Variants in RYR3 observed in about 807,000 individuals in gnomAD.
RYR3 encodes the protein brain ryanodine receptor-calcium release channel.
RYR3 carries 207 observed loss-of-function variants against 584.3 expected under a neutral mutation model. That is an observed-to-expected ratio of 0.35 (90% CI 0.32 to 0.40). The LOEUF (loss-of-function observed/expected upper bound fraction) is 0.40. Ranked by LOEUF, RYR3 falls within the 10% of genes least tolerant of loss-of-function variation. The pLI, the probability that RYR3 is intolerant of heterozygous loss-of-function variation, is 1.00. For missense variants in RYR3, 5,616 were observed against 6,089.2 expected, an observed-to-expected ratio of 0.92 and a Z score of 2.59; for synonymous variants, 2,416 against 2,248.5, an observed-to-expected ratio of 1.07 and a Z score of -2.11.
chr15:33,358,098 G>A (rs1446479347), intron 1 of RYR3, among the ~76,000 whole-genome samples: 1 of 152,234 alleles, frequency 6.6e-6, no homozygotes, highest in Non-Finnish European at 1.5e-5. Context: ...CATGGGAAGA[G>A]TATGGAGTCA....
At chr15:33,736,098 G>T in intron 48 of RYR3, 137 bp from the exon 49 acceptor site, 3 of 586,558 alleles carry the variant, frequency 5.1e-6, no homozygotes, top group Non-Finnish European at 9.0e-6. Flanking sequence ...ATCTACTCTT[G>T]TTTATCCGAG....
intron 1 of RYR3, among the ~76,000 whole-genome samples, chr15:33,336,080 T>C (rs1199794356): frequency 6.6e-6 from 1 of 152,094 alleles, no homozygotes; most frequent in African/African-American, 2.4e-5. Context: ...GAAACTTAAG[T>C]ACAGATTAAA....
At chr15:33,560,947 T>C (rs941800231) in intron 10 of RYR3, among the ~76,000 whole-genome samples, 1 of 152,200 alleles carries the variant, frequency 6.6e-6, no homozygotes, top group Non-Finnish European at 1.5e-5. Context: ...AGCCAATGTT[T>C]CAACACACAC....
chr15:33,704,279 C>T (rs1349308749), intron 42 of RYR3, among the ~76,000 whole-genome samples: 2 of 114,870 alleles, frequency 1.7e-5, no homozygotes, highest in African/African-American at 6.5e-5. Flanking sequence ...GAGACTCCGT[C>T]TCAAAAAAAA....
intron 2 of RYR3, among the ~76,000 whole-genome samples, chr15:33,499,257 A>C (rs1416971098): frequency 7.6e-6 from 1 of 132,110 alleles, no homozygotes; most frequent in Admixed American, 8.3e-5. Context: ...TTTTCGCTCC[A>C]TTTCCCTCCC....
chr15:33,517,103 T>G (rs1447678293), intron 3 of RYR3, among the ~76,000 whole-genome samples: 1 of 152,178 alleles, frequency 6.6e-6, no homozygotes, highest in Non-Finnish European at 1.5e-5. Flanking sequence ...CAAGCGATTC[T>G]CCTGCCTCAG....
chr15:33,532,778 G>A (rs2054994524), intron 4 of RYR3, among the ~76,000 whole-genome samples: 1 of 152,002 alleles, frequency 6.6e-6, no homozygotes, highest in Non-Finnish European at 1.5e-5. Flanking sequence ...TTTAACTACT[G>A]AGTCATCAGA....
chr15:33,821,469 G>A (rs1488775964), intron 79 of RYR3, 54 bp from the exon 80 acceptor site: 2 of 1,603,910 alleles, frequency 1.2e-6, no homozygotes, highest in African/African-American at 2.7e-5. Flanking sequence ...GGCCCAGGAG[G>A]CATGATTTAC....
chr15:33,409,390 A>T (rs957617936), intron 1 of RYR3, among the ~76,000 whole-genome samples: 1 of 150,832 alleles, frequency 6.6e-6, no homozygotes, highest in Non-Finnish European at 1.5e-5. Flanking sequence ...TCCCAGAGAC[A>T]CTACCTAGAT....
intron 3 of RYR3, among the ~76,000 whole-genome samples, chr15:33,510,035 G>GT (rs530827817): frequency 1.4e-3 from 208 of 152,198 alleles, no homozygotes; most frequent in African/African-American, 3.8e-3. Context: ...CAAAAATAAT[G>GT]TTTTTTTATA....
At chr15:33,859,385 T>C (rs1328445112) in intron 99 of RYR3, among the ~76,000 whole-genome samples, 190 bp from the exon 100 acceptor site, 1 of 152,204 alleles carries the variant, frequency 6.6e-6, no homozygotes, top group Non-Finnish European at 1.5e-5. Flanking sequence ...TTTCCATCTT[T>C]GTAGATATCA....
Position 33,477,575 on chromosome 15 carries a change from T to TTAAA in RYR3, c.171+4037_171+4038insTAAA, listed in dbSNP as rs372682334. 4.3e-5 allele frequency among the ~76,000 whole-genome samples: 5 copies of TTAAA among 116,432 alleles called. 1 individual carries two copies. Among genetic ancestry groups the TTAAA allele is most frequent in the African/African-American group, 1.9e-4 (5 of 26,042 alleles). 76.4% of individuals were successfully genotyped at this position (116,432 alleles called of 152,430 possible). Reference sequence around the variant, plus strand: ...GGAATTTAAAGGTATCTTGTTTTGTTAAAAAAAAAAAAAAAAAAGGCTGGG... The same window carrying TTAAA: ...GGAATTTAAAGGTATCTTGTTTTGTTTAAAAAAAAAAAAAAAAAAAAAGGCTGGG... On this transcript the variant is annotated intron_variant, in intron 2 of 103. Coordinates refer to ENST00000634891, the MANE Select transcript of RYR3 (RefSeq NM_001036.6).
chr15:33,499,619 C>T (rs1252990930), intron 2 of RYR3, among the ~76,000 whole-genome samples: 1 of 152,176 alleles, frequency 6.6e-6, no homozygotes, highest in Non-Finnish European at 1.5e-5. Context: ...TTACTGTACA[C>T]ATCAGATCCT....
chr15:33,322,855 T>C (rs192406568), intron 1 of RYR3, among the ~76,000 whole-genome samples: 1 of 151,698 alleles, frequency 6.6e-6, no homozygotes, highest in East Asian at 2.0e-4. Context: ...AAATGACAAA[T>C]TCAGAATTCA....
chr15:33,739,508 A>G (rs1338458977), intron 50 of RYR3, among the ~76,000 whole-genome samples: 1 of 145,018 alleles, frequency 6.9e-6, no homozygotes, highest in Non-Finnish European at 1.5e-5. Context: ...AGACAAGTTT[A>G]TAGTCACCTT....
chr15:33,801,721 T>C (rs773364902), intron 68 of RYR3, 148 bp from the exon 69 acceptor site: 1 of 601,528 alleles, frequency 1.7e-6, no homozygotes, highest in Admixed American at 3.0e-5. Context: ...CCTCTTCCCA[T>C]AATGGAATGA....
At chr15:33,619,732 T>G (rs7161819) in intron 19 of RYR3, among the ~76,000 whole-genome samples, 26,710 of 152,194 alleles carry the variant, frequency 0.18, 2,835 homozygotes, top group Admixed American at 0.24. Context: ...AGGCAGCTGC[T>G]TCTCCACATT....
rs1284367684 is a variant in RYR3 at position 33,623,836 on chromosome 15, G to A, written c.2387G>A (p.Gly796Glu). The change falls in exon 20 of 104, where the codon GGA (glycine) becomes GAA (glutamate). Residue 796 changes from glycine (G) to glutamate (E), a missense_variant. By Grantham distance (98) the Gly-to-Glu change is moderately conservative (BLOSUM62 -2). Transcript: ENST00000634891. Reference sequence around the variant, plus strand: ...CGTTTCCTGATGGGTGGACGTCATGGAGAGTTTAAGTTCCTGCCTCCCTCT... The same window carrying A: ...CGTTTCCTGATGGGTGGACGTCATGAAGAGTTTAAGTTCCTGCCTCCCTCT... Reference protein sequence around the residue: ...KVRFLMGGRHGEFKFLPPSGY... With the variant: ...KVRFLMGGRHEEFKFLPPSGY... 22 of 1,613,536 alleles carry A rather than the reference G, an allele frequency of 1.4e-5. No homozygotes were observed. The highest frequency in any genetic ancestry group is 1.8e-5 in the Non-Finnish European group (21 of 1,179,598).
intron 15 of RYR3, among the ~76,000 whole-genome samples, chr15:33,584,818 AC>A (rs1265213434): frequency 2.0e-5 from 3 of 147,094 alleles, no homozygotes; most frequent in Non-Finnish European, 4.5e-5. Flanking sequence ...TCTCCTTCTA[AC>A]TCCCATTATA....
Sources: allele counts gnomAD v4.1 joint callset (sites outside exome capture counted in the v4.1 genomes callset), GRCh38; gene constraint gnomAD v4.1.1; transcripts MANE v1.5; gene names NCBI Gene and HGNC (gene_info 2026-07-23, HGNC 2026-07-21).